Variants in PDZD2 observed in about 807,000 individuals in gnomAD.
PDZD2 encodes PDZ domain-containing protein 2.
Under a neutral mutation model 220.7 loss-of-function variants are expected in PDZD2, and 90 were observed. That is an observed-to-expected ratio of 0.41 (90% CI 0.34 to 0.49). The LOEUF (loss-of-function observed/expected upper bound fraction) is 0.49, where lower values mean the gene tolerates loss of function less well. Among genes scored for constraint, PDZD2 ranks in the 20% least tolerant of loss-of-function variants. PDZD2 has a pLI of 0.28. For missense variants in PDZD2, 3,174 were observed against 3,608.5 expected, an observed-to-expected ratio of 0.88 and a Z score of 3.08; for synonymous variants, 1,375 against 1,450.5, an observed-to-expected ratio of 0.95 and a Z score of 1.18.
rs371712810 is a variant in PDZD2 at position 31,921,004 on chromosome 5, T to C, written c.477-62151T>C. 1.3e-3 allele frequency among the ~76,000 whole-genome samples: 194 copies of C among 152,368 alleles called. 1 individual carries two copies. Among genetic ancestry groups the C allele is most frequent in the African/African-American group, 3.6e-3 (151 of 41,588 alleles). On this transcript the variant is annotated intron_variant, in intron 2 of 24. Transcript: ENST00000438447. Reference sequence around the variant, plus strand: ...TTGTCTGCGTGTGCCGCGGTTTATCTAGTCACTTACTCAAGGACATCTTGG... The same window carrying C: ...TTGTCTGCGTGTGCCGCGGTTTATCCAGTCACTTACTCAAGGACATCTTGG...
At chr5:31,879,192 C>T (rs1354948208) in intron 2 of PDZD2, among the ~76,000 whole-genome samples, 1 of 151,712 alleles carries the variant, frequency 6.6e-6, no homozygotes, top group African/African-American at 2.4e-5. Flanking sequence ...TCGAGACCAT[C>T]CTGGCTAACA....
chr5:31,953,660 A>AAAT (rs59213187), intron 2 of PDZD2, among the ~76,000 whole-genome samples: 1,804 of 138,558 alleles, frequency 0.013, 41 homozygotes, highest in African/African-American at 0.045. Context: ...TAAAAAAAAA[A>AAAT]TTTTTTTTTT....
In PDZD2 at chr5:31,735,669, G is replaced by A. The variant is rs1369861487; in HGVS notation, c.-360-63220G>A. 5.9e-5 allele frequency among the ~76,000 whole-genome samples: 9 copies of A among 152,060 alleles called. No individual in the cohort carries two copies. In the East Asian group the frequency reaches 9.7e-4, roughly 16 times the overall value. ...ACAAAAATTAGCCTGATATGCACCCGGGCTCAGTGGCTCACCCCTGTAATC... is the reference window on the plus strand; with the variant it reads ...ACAAAAATTAGCCTGATATGCACCCAGGCTCAGTGGCTCACCCCTGTAATC... On this transcript the variant is annotated intron_variant, in intron 1 of 24. Coordinates refer to ENST00000438447, the MANE Select transcript of PDZD2 (RefSeq NM_178140.4).
chr5:31,936,090 G>A (rs1745701132), intron 2 of PDZD2: 4 of 987,652 alleles, frequency 4.1e-6, no homozygotes, highest in Non-Finnish European at 4.8e-6. Flanking sequence ...GTGGGTGGGT[G>A]GGGCTCTGGA....
At chr5:32,012,057 T>G (rs1753362489) in intron 6 of PDZD2, among the ~76,000 whole-genome samples, 1 of 152,146 alleles carries the variant, frequency 6.6e-6, no homozygotes, top group Non-Finnish European at 1.5e-5. Context: ...AGACTTCAGC[T>G]CCAGCACAGC....
intron 2 of PDZD2, among the ~76,000 whole-genome samples, chr5:31,862,079 A>G (rs1737754111): frequency 6.7e-6 from 1 of 149,156 alleles, no homozygotes; most frequent in Non-Finnish European, 1.5e-5. Flanking sequence ...TCATGTTAAT[A>G]GACTCAATGT....
Position 31,810,110 on chromosome 5 carries a change from C to T in PDZD2, c.476+10386C>T, listed in dbSNP as rs74593568. On this transcript the variant is annotated intron_variant, in intron 2 of 24. Transcript: ENST00000438447. The stretch of plus-strand genomic sequence containing the variant: ...AGTGTTACTGGTCCAACTTCATACC[C>T]GTCTATCTATAGGCACCCCTGGGCC... Among the ~76,000 whole-genome samples, 359 of 152,242 alleles carry T rather than the reference C, an allele frequency of 2.4e-3. 2 individuals carry two copies. Among genetic ancestry groups the T allele is most frequent in the African/African-American group, 8.3e-3 (343 of 41,548 alleles).
At chr5:31,784,012 C>T (rs1049532023) in intron 1 of PDZD2, among the ~76,000 whole-genome samples, 1 of 152,200 alleles carries the variant, frequency 6.6e-6, no homozygotes, top group African/African-American at 2.4e-5. Context: ...GACGCTGCCA[C>T]AGGGCCTCAG....
intron 20 of PDZD2, among the ~76,000 whole-genome samples, chr5:32,092,336 A>T (rs1743236507): frequency 6.8e-6 from 1 of 146,888 alleles, no homozygotes; most frequent in South Asian, 2.2e-4. Flanking sequence ...ACTTTGGGAG[A>T]CCAAGGCAGG....
At chr5:31,701,809 G>A (rs554882241) in intron 1 of PDZD2, among the ~76,000 whole-genome samples, 4 of 152,308 alleles carry the variant, frequency 2.6e-5, no homozygotes, top group Non-Finnish European at 5.9e-5. Context: ...GCCGACACAC[G>A]AGAATAGTTT....
At chr5:31,691,979 T>G (rs577364775) in intron 1 of PDZD2, among the ~76,000 whole-genome samples, 1 of 152,322 alleles carries the variant, frequency 6.6e-6, no homozygotes, top group East Asian at 1.9e-4. Context: ...GGGCTGCAGG[T>G]GGAGCTGCCT....
In PDZD2 at chr5:31,753,528, G is replaced by GA. The variant is rs551207002; in HGVS notation, c.-360-45360dup. Among the ~76,000 whole-genome samples the GA allele has an allele frequency of 7.4e-3, 1,125 of 152,314 alleles. 14 individuals carry two copies. Among genetic ancestry groups the GA allele is most frequent in the African/African-American group, 0.026 (1,065 of 41,562 alleles). On this transcript the variant is annotated intron_variant, in intron 1 of 24. Transcript: ENST00000438447. Reference sequence around the variant, plus strand: ...GGCACAAGAATTGCTTGAATCCAGGGAGGTGGAGGTTGCAGTGGGCTGAGG... The same window carrying GA: ...GGCACAAGAATTGCTTGAATCCAGGGAAGGTGGAGGTTGCAGTGGGCTGAGG...
intron 1 of PDZD2, among the ~76,000 whole-genome samples, chr5:31,713,547 G>C (rs540844384): frequency 1.4e-4 from 21 of 152,252 alleles, no homozygotes; most frequent in Middle Eastern, 3.4e-3. Context: ...GGAGGTGTTG[G>C]GGTCATGCAG....
At chr5:31,850,732 G>A (rs895414888) in intron 2 of PDZD2, among the ~76,000 whole-genome samples, 3 of 151,356 alleles carry the variant, frequency 2.0e-5, no homozygotes, top group Admixed American at 1.3e-4. Context: ...CGCCTCCTGG[G>A]TTCAAGCGAT....
chr5:31,860,659 A>G (rs1041049127), intron 2 of PDZD2, among the ~76,000 whole-genome samples: 3 of 152,084 alleles, frequency 2.0e-5, no homozygotes, highest in African/African-American at 7.2e-5. Context: ...CTTTCATCTC[A>G]GCAGTAGTCA....
At chr5:31,677,017 G>T (rs1236062446) in intron 1 of PDZD2, among the ~76,000 whole-genome samples, 1 of 152,070 alleles carries the variant, frequency 6.6e-6, no homozygotes, top group Non-Finnish European at 1.5e-5. Context: ...CTTGTTGTAG[G>T]CCTTTGTGTC....
At chr5:31,997,887 G>A (rs992102770) in intron 4 of PDZD2, among the ~76,000 whole-genome samples, 2 of 152,136 alleles carry the variant, frequency 1.3e-5, no homozygotes, top group Non-Finnish European at 2.9e-5. Flanking sequence ...CTGTTGCCTA[G>A]GCTGAAGTGC....
At chr5:31,967,728 TG>T (rs968654240) in intron 2 of PDZD2, among the ~76,000 whole-genome samples, 3 of 152,132 alleles carry the variant, frequency 2.0e-5, no homozygotes, top group Non-Finnish European at 2.9e-5. Context: ...GCTGAAGACT[TG>T]GGGAGGAGGA....
intron 24 of PDZD2, among the ~76,000 whole-genome samples, chr5:32,107,748 AGAT>A (rs1339569049): frequency 1.3e-5 from 2 of 152,094 alleles, no homozygotes; most frequent in Non-Finnish European, 2.9e-5. Context: ...TTTATCTTAC[AGAT>A]TATGTTTGGA....
Sources: gnomAD v4.1 joint callset for allele counts (sites outside exome capture counted in the v4.1 genomes callset) on GRCh38, gnomAD v4.1.1 for gene constraint, MANE v1.5 for transcripts, NCBI Gene and HGNC (gene_info 2026-07-23, HGNC 2026-07-21) for gene names.